DEPDC4: variants seen among roughly 807,000 people sequenced by gnomAD.
DEPDC4 encodes DEP domain-containing protein 4.
In DEPDC4, 52 loss-of-function variants were observed where a neutral mutation model predicts 52.0. The ratio of observed to expected loss-of-function variants is 1.00; its 90% CI spans 0.80 to 1.26. The LOEUF (loss-of-function observed/expected upper bound fraction) is 1.26. Among genes scored for constraint, DEPDC4 ranks in the 50% most tolerant of loss-of-function variants. The pLI, the probability that DEPDC4 is intolerant of heterozygous loss-of-function variation, is 0.00. For missense variants in DEPDC4, 530 were observed against 546.9 expected (o/e 0.97, Z 0.31); for synonymous variants, 201 against 196.8 (o/e 1.02, Z -0.18).
At chr12:100,271,260 C>CAAAAAAAAAAA (rs11354103), upstream of DEPDC4, among the ~76,000 whole-genome samples, 23 of 83,336 alleles carry the variant, frequency 2.8e-4, no homozygotes, top group African/African-American at 1.2e-3. Flanking sequence ...TGCAGAGCAG[C>CAAAAAAAAAAA]AAAAAAAAAA....
At chr12:100,256,372 A>G in intron 3 of DEPDC4, 146 bp from the exon 4 acceptor site, 1 of 525,406 alleles carries the variant, frequency 1.9e-6, no homozygotes, top group Non-Finnish European at 3.3e-6. Flanking sequence ...TGCTTAGATA[A>G]TTTACATTTG....
chr12:100,259,340 T>C (rs1186888547), intron 3 of DEPDC4, among the ~76,000 whole-genome samples: 1 of 152,074 alleles, frequency 6.6e-6, no homozygotes, highest in Admixed American at 6.6e-5. Context: ...ATGAAATTGA[T>C]AAAAATACCT....
Position 100,266,996 on chromosome 12 carries a change from G to C in DEPDC4, c.81C>G (p.Asn27Lys). The C allele has an allele frequency of 6.2e-7, 1 of 1,614,082 alleles. No homozygotes were observed. Among genetic ancestry groups the C allele is most frequent in the Non-Finnish European group, 8.5e-7 (1 of 1,179,982 alleles). ...CGTTCAGCCCTGGGCCCGGAAGCTC[G>C]TTCTGACTGACAAGTCTACGGAACC... ...TPRFRRLVSQ[N>K]ELPGPGLNGP... The change falls in exon 1 of 10, where the codon AAC becomes AAG. Residue 27 changes from asparagine to lysine, a missense_variant. Physicochemically the swap from Asn to Lys is moderately conservative, Grantham distance 94 (BLOSUM62 0). Transcript: ENST00000550587.
upstream of DEPDC4, chr12:100,267,208 C>T (rs539064193): frequency 2.1e-5 from 20 of 961,014 alleles, no homozygotes; most frequent in African/African-American, 1.3e-4. Context: ...CTCTTCGTCC[C>T]CGGTCCCTCC....
chr12:100,254,988 G>A (rs1592891364), intron 4 of DEPDC4, among the ~76,000 whole-genome samples: 1 of 152,176 alleles, frequency 6.6e-6, no homozygotes, highest in African/African-American at 2.4e-5. Flanking sequence ...AGCCTCCCAA[G>A]TTGCTGGGAT....
downstream of DEPDC4, chr12:100,238,007 A>T: frequency 4.2e-6 from 4 of 942,004 alleles, no homozygotes; most frequent in Non-Finnish European, 5.1e-6. Context: ...CTTTCCAAAT[A>T]AGGAGACTTC....
chr12:100,242,808 A>C (rs2096165520), intron 8 of DEPDC4, among the ~76,000 whole-genome samples: 1 of 152,226 alleles, frequency 6.6e-6, no homozygotes, highest in African/African-American at 2.4e-5. Context: ...CACTTGAGCC[A>C]CTGCTTCATC....
chr12:100,244,453 T>G (rs551387130), intron 8 of DEPDC4, among the ~76,000 whole-genome samples: 1 of 151,796 alleles, frequency 6.6e-6, no homozygotes, highest in East Asian at 2.0e-4. Context: ...AGTGCTGGGA[T>G]TACAGTCATG....
intron 9 of DEPDC4, among the ~76,000 whole-genome samples, chr12:100,232,465 C>T (rs554900901): frequency 1.1e-4 from 16 of 151,794 alleles, no homozygotes; most frequent in Admixed American, 3.3e-4. Flanking sequence ...TCCAATGTGA[C>T]GGTTAAATTT....
At chr12:100,242,189 C>T (rs2096162122) in intron 9 of DEPDC4, among the ~76,000 whole-genome samples, 2 of 152,186 alleles carry the variant, frequency 1.3e-5, no homozygotes, top group South Asian at 4.1e-4. Context: ...TGCTTTTTCA[C>T]ACTGCTCTGT....
downstream of DEPDC4, among the ~76,000 whole-genome samples, chr12:100,238,430 G>C (rs1328948670): frequency 6.8e-6 from 1 of 146,434 alleles, no homozygotes; most frequent in Non-Finnish European, 1.5e-5. Context: ...AAAGTGCTGG[G>C]ATTACAGGTG....
At chr12:100,251,171 C>A (rs2096206044) in intron 7 of DEPDC4, among the ~76,000 whole-genome samples, 1 of 151,900 alleles carries the variant, frequency 6.6e-6, no homozygotes, top group African/African-American at 2.4e-5. Flanking sequence ...CTCCTGGGCT[C>A]AAATCATCCC....
At chr12:100,232,106 T>C (rs1327106527) in intron 9 of DEPDC4, among the ~76,000 whole-genome samples, 2 of 151,938 alleles carry the variant, frequency 1.3e-5, no homozygotes, top group Non-Finnish European at 2.9e-5. Flanking sequence ...TAATTAGAAG[T>C]CTTTGCCAGG....
chr12:100,249,990 G>A (rs1425750488), intron 7 of DEPDC4, among the ~76,000 whole-genome samples: 1 of 152,166 alleles, frequency 6.6e-6, no homozygotes, highest in Non-Finnish European at 1.5e-5. Flanking sequence ...AGTGGCCAAA[G>A]GTAGACAGCA....
chr12:100,272,481 A>T, the DEPDC4 span, among the ~76,000 whole-genome samples: 2 of 152,148 alleles, frequency 1.3e-5, no homozygotes, highest in African/African-American at 2.4e-5. Flanking sequence ...TCAAGGCCAT[A>T]GTCTACCATA....
At chr12:100,275,033 A>G in the DEPDC4 span, among the ~76,000 whole-genome samples, 1 of 152,108 alleles carries the variant, frequency 6.6e-6, no homozygotes, top group Non-Finnish European at 1.5e-5. Flanking sequence ...ATCACAGTAT[A>G]TATCGTTCCA....
At chr12:100,268,046 G>A (rs2096281492), upstream of DEPDC4, among the ~76,000 whole-genome samples, 1 of 152,142 alleles carries the variant, frequency 6.6e-6, no homozygotes, top group South Asian at 2.1e-4. Context: ...AAACTTATTG[G>A]ACTTTGAGCA....
At position 100,241,863 on chromosome 12, in the gene DEPDC4, AAAC is replaced by A; in HGVS notation, c.*47-21_*47-19del. The A allele has an allele frequency of 8.4e-7, 1 of 1,194,116 alleles. No individual in the cohort carries two copies. The highest frequency in any genetic ancestry group is 1.1e-6 in the Non-Finnish European group (1 of 946,286). 74.0% of individuals were successfully genotyped at this position (1,194,116 alleles called of 1,614,324 possible). ...CGTAAAGCCTGGAAAAAAAAAAAAA[AAAC>A]AAAAGAAAAAGAAAAGTACCACTGG... On this transcript the variant is annotated intron_variant, in intron 9 of 9. Coordinates refer to ENST00000550587, the MANE Select transcript of DEPDC4 (RefSeq NM_001364818.2).
intron 3 of DEPDC4, chr12:100,261,696 T>C (rs2096254205): frequency 2.2e-6 from 1 of 456,582 alleles, no homozygotes. Context: ...TTGTAAAAAA[T>C]GAATTAAGTG....
Sources: gnomAD v4.1 joint callset for allele counts (sites outside exome capture counted in the v4.1 genomes callset) on GRCh38, gnomAD v4.1.1 for gene constraint, MANE v1.5 for transcripts, NCBI Gene and HGNC (gene_info 2026-07-23, HGNC 2026-07-21) for gene names.